Variants in NRXN3 observed in about 807,000 individuals in gnomAD.
NRXN3 encodes the protein neurexin 3, also known as neurexin III.
In NRXN3, 32 loss-of-function variants were observed where a neutral mutation model predicts 137.6. The observed-to-expected ratio is 0.23, with a 90% CI of 0.18 to 0.31. NRXN3 has a LOEUF of 0.31. Among genes scored for constraint, NRXN3 ranks in the 10% least tolerant of loss-of-function variants. The pLI, the probability that NRXN3 is intolerant of heterozygous loss-of-function variation, is 1.00. For synonymous variants in NRXN3, 798 were observed against 784.5 expected, an observed-to-expected ratio of 1.02 and a Z score of -0.29; for missense variants, 1,574 against 2,062.5, an observed-to-expected ratio of 0.76 and a Z score of 4.59.
At chr14:79,537,391 T>C (rs533607584) in intron 16 of NRXN3, among the ~76,000 whole-genome samples, 1 of 152,204 alleles carries the variant, frequency 6.6e-6, no homozygotes, top group South Asian at 2.1e-4. Flanking sequence ...GCTGCACCCA[T>C]TAACTTGTCA....
intron 10 of NRXN3, among the ~76,000 whole-genome samples, chr14:78,878,856 G>A (rs1192842409): frequency 4.0e-5 from 6 of 151,432 alleles, no homozygotes; most frequent in South Asian, 2.1e-4. Flanking sequence ...AATCCCACCC[G>A]CCTACACCAC....
chr14:79,266,444 T>C (rs1425478208), intron 15 of NRXN3, among the ~76,000 whole-genome samples: 1 of 152,192 alleles, frequency 6.6e-6, no homozygotes, highest in East Asian at 1.9e-4. Context: ...TTGGGACTGA[T>C]GTTATTGATC....
At chr14:79,346,928 T>C (rs2092917530) in intron 15 of NRXN3, among the ~76,000 whole-genome samples, 1 of 152,170 alleles carries the variant, frequency 6.6e-6, no homozygotes, top group Admixed American at 6.5e-5. Context: ...CCTCGTAGGC[T>C]CTCAATAACA....
intron 19 of NRXN3, among the ~76,000 whole-genome samples, chr14:79,753,434 A>G (rs1471862166): frequency 3.9e-5 from 6 of 151,960 alleles, no homozygotes; most frequent in South Asian, 4.2e-4. Flanking sequence ...CATGGATGAA[A>G]TTGGAAATCA....
At chr14:79,405,560 C>T (rs1339855540) in intron 15 of NRXN3, among the ~76,000 whole-genome samples, 1 of 152,156 alleles carries the variant, frequency 6.6e-6, no homozygotes, top group East Asian at 1.9e-4. Context: ...GGCTGAGAGA[C>T]TGATACCACA....
intron 20 of NRXN3, among the ~76,000 whole-genome samples, chr14:79,811,544 A>G (rs1603578321): frequency 6.9e-6 from 1 of 145,882 alleles, no homozygotes; most frequent in African/African-American, 2.5e-5. Flanking sequence ...TTGTTAACCC[A>G]CCAAGTTATT....
At chr14:79,126,731 A>G (rs538542489) in intron 15 of NRXN3, among the ~76,000 whole-genome samples, 2 of 152,192 alleles carry the variant, frequency 1.3e-5, no homozygotes, top group South Asian at 2.1e-4. Context: ...CTAGTTCTGG[A>G]TCCCTGAGGA....
intron 4 of NRXN3, among the ~76,000 whole-genome samples, chr14:78,606,190 T>C (rs1207493297): frequency 6.6e-6 from 1 of 152,222 alleles, no homozygotes; most frequent in Non-Finnish European, 1.5e-5. Flanking sequence ...TCTAGAAATT[T>C]ACACATTAAC....
intron 2 of NRXN3, among the ~76,000 whole-genome samples, chr14:78,246,098 T>C (rs2067631347): frequency 6.6e-6 from 1 of 152,220 alleles, no homozygotes; most frequent in Non-Finnish European, 1.5e-5. Flanking sequence ...ATTCTTCCTT[T>C]CTAGGGACCA....
At chr14:79,697,195 A>G (rs1460992819) in intron 18 of NRXN3, among the ~76,000 whole-genome samples, 1 of 151,928 alleles carries the variant, frequency 6.6e-6, no homozygotes, top group East Asian at 1.9e-4. Flanking sequence ...GAGTCACCTC[A>G]CTGAGTTTTT....
chr14:79,003,938 A>G (rs974681693), intron 15 of NRXN3, among the ~76,000 whole-genome samples: 7 of 152,178 alleles, frequency 4.6e-5, no homozygotes, highest in African/African-American at 1.4e-4. Context: ...ATGAAATGTG[A>G]TAAGTGTGAT....
At chr14:78,953,706 A>G (rs944491728) in intron 10 of NRXN3, among the ~76,000 whole-genome samples, 3 of 152,190 alleles carry the variant, frequency 2.0e-5, no homozygotes, top group African/African-American at 7.2e-5. Flanking sequence ...AACATTCTCT[A>G]CTTAGATCCA....
chr14:79,219,546 A>G (rs1212618238), intron 15 of NRXN3, among the ~76,000 whole-genome samples: 1 of 152,184 alleles, frequency 6.6e-6, no homozygotes, highest in African/African-American at 2.4e-5. Context: ...AAGCAGAGAG[A>G]CTTTTCCAAA....
chr14:78,441,253 A>G (rs1175555786), intron 4 of NRXN3, among the ~76,000 whole-genome samples: 1 of 152,136 alleles, frequency 6.6e-6, no homozygotes, highest in Admixed American at 6.5e-5. Flanking sequence ...TTCCTCATCC[A>G]GATATATTCT....
At chr14:79,830,200 C>G (rs1322259910) in intron 20 of NRXN3, among the ~76,000 whole-genome samples, 1 of 152,030 alleles carries the variant, frequency 6.6e-6, no homozygotes, top group African/African-American at 2.4e-5. Context: ...AACTATAGTA[C>G]CTTAGTTGTA....
intron 15 of NRXN3, among the ~76,000 whole-genome samples, chr14:79,123,666 A>T (rs2055880209): frequency 6.6e-6 from 1 of 152,184 alleles, no homozygotes; most frequent in Non-Finnish European, 1.5e-5. Flanking sequence ...TGTAATTTCT[A>T]AGAGAACACA....
intron 15 of NRXN3, among the ~76,000 whole-genome samples, chr14:79,173,159 T>G (rs993073394): frequency 6.6e-6 from 1 of 152,194 alleles, no homozygotes; most frequent in Non-Finnish European, 1.5e-5. Context: ...TAGTGATTGG[T>G]TGAAACATTG....
At chr14:78,506,643 G>GTTTTTTT (rs71131653) in intron 4 of NRXN3, among the ~76,000 whole-genome samples, 1 of 105,360 alleles carries the variant, frequency 9.5e-6, no homozygotes, top group Non-Finnish European at 2.0e-5. Flanking sequence ...TCTCATTGTA[G>GTTTTTTT]TTTTTTTTTT....
At chr14:78,316,059 G>A (rs1040338088) in intron 4 of NRXN3, among the ~76,000 whole-genome samples, 3 of 152,160 alleles carry the variant, frequency 2.0e-5, no homozygotes, top group Non-Finnish European at 4.4e-5. Flanking sequence ...GTCAGAGTGT[G>A]GATAATTCTG....
Sources: gnomAD v4.1 joint callset for allele counts (sites outside exome capture counted in the v4.1 genomes callset) on GRCh38, gnomAD v4.1.1 for gene constraint, MANE v1.5 for transcripts, NCBI Gene and HGNC (gene_info 2026-07-23, HGNC 2026-07-21) for gene names.